CA10: variants seen among roughly 807,000 people sequenced by gnomAD.
CA10 encodes the protein carbonic anhydrase-related protein 10.
A neutral mutation model predicts 44.2 loss-of-function variants in CA10; 14 were observed. The ratio of observed to expected loss-of-function variants is 0.32; its 90% CI spans 0.21 to 0.50. CA10 has a LOEUF of 0.50. Ranked by LOEUF, CA10 falls within the 20% of genes least tolerant of loss-of-function variation. CA10 has a pLI of 0.99. For synonymous variants in CA10, 159 were observed against 141.6 expected (o/e 1.12, Z -0.87); for missense variants, 350 against 409.7 (o/e 0.85, Z 1.26).
At chr17:52,130,390 A>G (rs1172730781) in intron 1 of CA10, among the ~76,000 whole-genome samples, 3 of 152,220 alleles carry the variant, frequency 2.0e-5, no homozygotes, top group Non-Finnish European at 4.4e-5. Flanking sequence ...TAGCTAAAAC[A>G]TGGAATCCAT....
intron 1 of CA10, among the ~76,000 whole-genome samples, chr17:52,104,912 C>T (rs1179975312): frequency 6.6e-6 from 1 of 152,144 alleles, no homozygotes; most frequent in Admixed American, 6.5e-5. Context: ...AGAGCTTAGG[C>T]AACTTTTCTT....
At chr17:51,908,324 G>A (rs915520512) in intron 3 of CA10, among the ~76,000 whole-genome samples, 11 of 152,168 alleles carry the variant, frequency 7.2e-5, no homozygotes, top group Non-Finnish European at 1.5e-4. Flanking sequence ...CATCAGGAGA[G>A]CCCAGAGTCA....
chr17:51,820,087 C>G (rs186339455), intron 3 of CA10, among the ~76,000 whole-genome samples: 7 of 151,720 alleles, frequency 4.6e-5, no homozygotes, highest in Non-Finnish European at 5.9e-5. Context: ...GTAGATGAGG[C>G]ACAGAGAGGT....
At chr17:51,826,075 G>T (rs894580804) in intron 3 of CA10, among the ~76,000 whole-genome samples, 8 of 152,234 alleles carry the variant, frequency 5.3e-5, no homozygotes. Context: ...ACAGAGGAAT[G>T]GGGCCTGCCC....
chr17:51,981,088 G>C (rs1380818002), intron 2 of CA10, among the ~76,000 whole-genome samples: 1 of 151,988 alleles, frequency 6.6e-6, no homozygotes, highest in East Asian at 1.9e-4. Flanking sequence ...GTATAAAATG[G>C]TACTGCCATT....
At chr17:52,122,937 G>A (rs1036065645) in intron 1 of CA10, among the ~76,000 whole-genome samples, 2 of 152,104 alleles carry the variant, frequency 1.3e-5, no homozygotes, top group South Asian at 2.1e-4. Context: ...TGTAACCAGG[G>A]CTTGTGTTTT....
At chr17:51,832,844 A>G (rs1238239549) in intron 3 of CA10, among the ~76,000 whole-genome samples, 1 of 152,232 alleles carries the variant, frequency 6.6e-6, no homozygotes, top group East Asian at 1.9e-4. Flanking sequence ...CGCAACAGTG[A>G]AATGAGTGGC....
chr17:51,782,703 A>G (rs1906111455), intron 3 of CA10, among the ~76,000 whole-genome samples: 1 of 152,182 alleles, frequency 6.6e-6, no homozygotes, highest in South Asian at 2.1e-4. Flanking sequence ...GCAGGAAAGC[A>G]ATTCTCAATG....
chr17:51,887,023 A>G (rs1465121570), intron 3 of CA10, among the ~76,000 whole-genome samples: 1 of 152,148 alleles, frequency 6.6e-6, no homozygotes, highest in African/African-American at 2.4e-5. Context: ...CTGTCTTTCC[A>G]GGTTCTCCAG....
chr17:52,084,447 T>G (rs1988065531), intron 1 of CA10, among the ~76,000 whole-genome samples: 1 of 4,844 alleles, frequency 2.1e-4, no homozygotes, highest in Admixed American at 3.6e-3. Context: ...TGACCATATC[T>G]GGGCTTTCCA....
rs572856657 is a variant in CA10, at chr17:51,990,857, A to T, written c.137-59725T>A. Among the ~76,000 whole-genome samples the T allele has an allele frequency of 5.8e-4, 88 of 152,144 alleles. 3 individuals are homozygous for T. The highest frequency in any genetic ancestry group is 2.0e-3 in the African/African-American group (85 of 41,548). On this transcript the variant is annotated intron_variant, in intron 2 of 8. Transcript: ENST00000451037. ...TCAACACCTAGTTGCTTTTCGTAGGAGGTGCTGCCAGGTCAGAAAAACCAC... is the reference window on the plus strand; with the variant it reads ...TCAACACCTAGTTGCTTTTCGTAGGTGGTGCTGCCAGGTCAGAAAAACCAC...
intron 4 of CA10, among the ~76,000 whole-genome samples, chr17:51,690,231 A>G (rs1248996458): frequency 6.6e-6 from 1 of 152,224 alleles, no homozygotes; most frequent in Non-Finnish European, 1.5e-5. Context: ...TACAGGCGTG[A>G]GCCACCATGC....
intron 2 of CA10, among the ~76,000 whole-genome samples, chr17:52,018,460 G>C (rs1986037049): frequency 6.6e-6 from 1 of 152,116 alleles, no homozygotes; most frequent in East Asian, 1.9e-4. Flanking sequence ...AGATTATGGT[G>C]GAGATTTAAG....
intron 4 of CA10, among the ~76,000 whole-genome samples, chr17:51,735,577 G>T (rs138684263): frequency 4.6e-5 from 7 of 151,938 alleles, no homozygotes; most frequent in African/African-American, 1.4e-4. Context: ...GTGAACCACA[G>T]ATGATGCAGC....
At chr17:52,107,857 C>T (rs996922278) in intron 1 of CA10, among the ~76,000 whole-genome samples, 2 of 152,012 alleles carry the variant, frequency 1.3e-5, no homozygotes, top group Non-Finnish European at 2.9e-5. Context: ...ATCCTTGCAA[C>T]AAACATTAAG....
intron 3 of CA10, chr17:51,762,080 A>C (rs1598032122): frequency 6.6e-6 from 1 of 152,266 alleles, no homozygotes; most frequent in Non-Finnish European, 1.5e-5. Context: ...CTATGCATGC[A>C]TTAGCAACTT....
At chr17:51,989,335 G>A (rs1182212892) in intron 2 of CA10, among the ~76,000 whole-genome samples, 2 of 151,812 alleles carry the variant, frequency 1.3e-5, no homozygotes, top group Admixed American at 6.6e-5. Flanking sequence ...CCCTCTGAAA[G>A]GCCCCAGTGT....
At chr17:51,716,483 G>GA (rs368431884) in intron 4 of CA10, among the ~76,000 whole-genome samples, 4 of 151,966 alleles carry the variant, frequency 2.6e-5, no homozygotes, top group South Asian at 2.1e-4. Flanking sequence ...AAAAAGAAGA[G>GA]AAAAAATGCC....
At chr17:51,888,648 G>A (rs1794974066) in intron 3 of CA10, among the ~76,000 whole-genome samples, 1 of 152,108 alleles carries the variant, frequency 6.6e-6, no homozygotes, top group South Asian at 2.1e-4. Flanking sequence ...ATAATCTCTG[G>A]TAGGATGGGA....
Sources: allele counts gnomAD v4.1 joint callset (sites outside exome capture counted in the v4.1 genomes callset), GRCh38; gene constraint gnomAD v4.1.1; transcripts MANE v1.5; gene names NCBI Gene and HGNC (gene_info 2026-07-23, HGNC 2026-07-21).